The following HDAC4 variants were observed in gnomAD, a reference collection of about 807,000 sequenced individuals.
HDAC4 encodes histone deacetylase 4.
In HDAC4, 16 loss-of-function variants were observed where a neutral mutation model predicts 135.1. That is an observed-to-expected ratio of 0.12 (90% CI 0.08 to 0.18). The LOEUF is 0.18. HDAC4 is among the 10% of genes least tolerant of loss of function. The pLI, the probability that HDAC4 is intolerant of heterozygous loss-of-function variation, is 1.00. For synonymous variants in HDAC4, 685 were observed against 653.4 expected, an observed-to-expected ratio of 1.05 and a Z score of -0.74; for missense variants, 1,143 against 1,511.8, an observed-to-expected ratio of 0.76 and a Z score of 4.05.
intron 3 of HDAC4, among the ~76,000 whole-genome samples, chr2:239,193,130 G>A (rs1051277479): frequency 6.6e-6 from 1 of 152,100 alleles, no homozygotes; most frequent in African/African-American, 2.4e-5. Context: ...GGGGGGCCTG[G>A]GTGGGACCCC....
At chr2:239,343,910 G>A (rs912651833) in intron 2 of HDAC4, among the ~76,000 whole-genome samples, 2 of 152,182 alleles carry the variant, frequency 1.3e-5, no homozygotes, top group Non-Finnish European at 2.9e-5. Flanking sequence ...CAGAAATAAC[G>A]TGTCCAGCTC....
intron 2 of HDAC4, among the ~76,000 whole-genome samples, chr2:239,254,407 C>A (rs2048945510): frequency 7.0e-6 from 1 of 142,020 alleles, no homozygotes. Context: ...GAAAAGACAA[C>A]AAGCTGCGCT....
At chr2:239,106,773 C>T (rs1219733164) in intron 15 of HDAC4, among the ~76,000 whole-genome samples, 3 of 152,218 alleles carry the variant, frequency 2.0e-5, no homozygotes, top group African/African-American at 7.2e-5. Context: ...CGGGACCCTG[C>T]AGAAACTAAG....
chr2:239,341,379 G>A (rs116692381), intron 2 of HDAC4, among the ~76,000 whole-genome samples: 11 of 152,346 alleles, frequency 7.2e-5, no homozygotes, highest in African/African-American at 2.6e-4. Flanking sequence ...TGTCAGACCG[G>A]GATGAGGAGA....
chr2:239,334,647 T>C (rs779888966), intron 2 of HDAC4, among the ~76,000 whole-genome samples: 2 of 152,166 alleles, frequency 1.3e-5, no homozygotes, highest in Non-Finnish European at 2.9e-5. Context: ...AGACTCCTAA[T>C]AAACTGATTT....
chr2:239,283,767 G>A (rs904704097), intron 2 of HDAC4, among the ~76,000 whole-genome samples: 2 of 152,236 alleles, frequency 1.3e-5, no homozygotes, highest in African/African-American at 4.8e-5. Flanking sequence ...AGGATCAGGC[G>A]GCCTTGATGG....
At chr2:239,226,101 C>T (rs1559251530) in intron 3 of HDAC4, among the ~76,000 whole-genome samples, 1 of 152,150 alleles carries the variant, frequency 6.6e-6, no homozygotes, top group African/African-American at 2.4e-5. Flanking sequence ...CACTGAGGGG[C>T]TCCGCAGGCC....
chr2:239,189,866 C>A lies in HDAC4; in HGVS notation c.306G>T (p.Arg102=), dbSNP rs1229774810. 2 of 1,609,428 alleles carry A rather than the reference C, an allele frequency of 1.2e-6. No homozygotes were observed. Among genetic ancestry groups the A allele is most frequent in the Non-Finnish European group, 1.7e-6 (2 of 1,179,806 alleles). ...EFQRQHEQLS[R]QHEAQLHEHI... ...GCTCGTGGAGCTGCGCCTCGTGCTG[C>A]CGGGAGAGCTGCTCGTGCTGCCTCT... The change falls in exon 4 of 27, where the codon CGG becomes CGT. Residue 102 remains arginine, a synonymous_variant. Coordinates refer to ENST00000543185, the MANE Select transcript of HDAC4 (RefSeq NM_001378414.1).
intron 1 of HDAC4, among the ~76,000 whole-genome samples, chr2:239,378,512 G>A (rs1695184632): frequency 6.6e-6 from 1 of 152,088 alleles, no homozygotes; most frequent in Admixed American, 6.6e-5. Flanking sequence ...GTACTGTTGA[G>A]GGCCATATCC....
intron 12 of HDAC4, among the ~76,000 whole-genome samples, chr2:239,116,420 C>T (rs1194179785): frequency 6.6e-6 from 1 of 152,228 alleles, no homozygotes; most frequent in East Asian, 1.9e-4. Flanking sequence ...CCCCAAGCTC[C>T]CAATTCTGTC....
At chr2:239,118,779 T>C (rs2039371554) in intron 12 of HDAC4, among the ~76,000 whole-genome samples, 1 of 152,116 alleles carries the variant, frequency 6.6e-6, no homozygotes, top group Non-Finnish European at 1.5e-5. Context: ...CTAAGGAATC[T>C]AGCAACATTG....
At position 239,308,924 on chromosome 2, in the gene HDAC4, C is replaced by T. The variant is rs761810711; in HGVS notation, c.22+43754G>A. On this transcript the variant is annotated intron_variant, in intron 2 of 26. Transcript: ENST00000543185. This position sits in a 1 kb window ranked among gnomAD's most constrained non-coding sequence, Gnocchi z 4.2. The stretch of plus-strand genomic sequence containing the variant: ...ACGCTGCAGGCCCCTGGAGGTGCCA[C>T]AGTGCTCCCAGCTCCCCCAGAGGCT... 3.3e-5 allele frequency among the ~76,000 whole-genome samples: 5 copies of T among 152,202 alleles called. No homozygotes were observed. Among genetic ancestry groups the T allele is most frequent in the Non-Finnish European group, 7.3e-5 (5 of 68,042 alleles).
chr2:239,356,304 AC>A (rs1236058379), intron 1 of HDAC4, among the ~76,000 whole-genome samples: 3 of 152,220 alleles, frequency 2.0e-5, no homozygotes, highest in Non-Finnish European at 4.4e-5. Flanking sequence ...GCCAAGCCCA[AC>A]TATATCAGTG....
rs1242652712 is a variant in HDAC4 at position 239,115,348 on chromosome 2, G to A, written c.1534-38C>T. 2 of 1,611,886 alleles carry A rather than the reference G, an allele frequency of 1.2e-6. No homozygotes were observed. The highest frequency in any genetic ancestry group is 2.2e-5 in the East Asian group (1 of 44,846). On this transcript the variant is annotated intron_variant, in intron 12 of 26. Transcript: ENST00000543185. The surrounding 1 kb of genome is among the most constrained non-coding windows in gnomAD (Gnocchi z 6.3). Reference sequence around the variant, plus strand: ...GGTAACACATGAAGCACAGAGAGCTGGGTCCTCTGAGCTCATCTGACAGGA... The same window carrying A: ...GGTAACACATGAAGCACAGAGAGCTAGGTCCTCTGAGCTCATCTGACAGGA...
chr2:239,125,503 G>A (rs1300133719), intron 12 of HDAC4, among the ~76,000 whole-genome samples: 1 of 152,204 alleles, frequency 6.6e-6, no homozygotes, highest in Non-Finnish European at 1.5e-5. Flanking sequence ...CTCTACAGCA[G>A]TGCAGGAATG....
intron 2 of HDAC4, among the ~76,000 whole-genome samples, chr2:239,292,401 C>T (rs2051576084): frequency 6.6e-6 from 1 of 152,202 alleles, no homozygotes; most frequent in Non-Finnish European, 1.5e-5. Flanking sequence ...CCCTGGAGAG[C>T]TTCTGCACTG....
intron 2 of HDAC4, among the ~76,000 whole-genome samples, chr2:239,324,132 C>T (rs531304661): frequency 6.6e-6 from 1 of 152,152 alleles, no homozygotes; most frequent in African/African-American, 2.4e-5. Context: ...AAGTAACTAA[C>T]GCACATAAAT....
intron 1 of HDAC4, among the ~76,000 whole-genome samples, chr2:239,376,634 G>A (rs1450034131): frequency 6.6e-6 from 1 of 152,346 alleles, no homozygotes; most frequent in East Asian, 1.9e-4. Flanking sequence ...GGTGATGAAC[G>A]CCATCCAGCC....
intron 2 of HDAC4, among the ~76,000 whole-genome samples, chr2:239,238,534 T>G (rs2048012865): frequency 1.3e-5 from 2 of 152,096 alleles, no homozygotes; most frequent in South Asian, 2.1e-4. Context: ...ACGCCCAACC[T>G]TAGCTTCCAC....
Sources: gnomAD v4.1 joint callset for allele counts (sites outside exome capture counted in the v4.1 genomes callset) on GRCh38, gnomAD v4.1.1 for gene constraint, Gnocchi (gnomAD v3.1) non-coding constraint, MANE v1.5 for transcripts, NCBI Gene and HGNC (gene_info 2026-07-23, HGNC 2026-07-21) for gene names.